PPP1R9A: variants seen among roughly 807,000 people sequenced by gnomAD.
The protein encoded by PPP1R9A is neurabin-1.
PPP1R9A carries 59 observed loss-of-function variants against 141.9 expected under a neutral mutation model. That is an observed-to-expected ratio of 0.42 (90% CI 0.34 to 0.52). The LOEUF (loss-of-function observed/expected upper bound fraction) is 0.52, where lower values mean the gene tolerates loss of function less well. Ranked by LOEUF, PPP1R9A falls within the 20% of genes least tolerant of loss-of-function variation. PPP1R9A has a pLI of 0.10. For missense variants in PPP1R9A, 1,444 were observed against 1,611.9 expected (o/e 0.90, Z 1.78); for synonymous variants, 500 against 569.7 (o/e 0.88, Z 1.74).
chr7:94,958,490 G>A (rs570321699), intron 2 of PPP1R9A, among the ~76,000 whole-genome samples: 1 of 152,082 alleles, frequency 6.6e-6, no homozygotes, highest in East Asian at 1.9e-4. Context: ...CCAAGTGAAT[G>A]GGTACATTTT....
intron 2 of PPP1R9A, among the ~76,000 whole-genome samples, chr7:95,082,161 C>T (rs1815950559): frequency 6.6e-6 from 1 of 152,174 alleles, no homozygotes; most frequent in Non-Finnish European, 1.5e-5. Context: ...TAAATACTTG[C>T]TTTACGTTTC....
At chr7:95,275,086 T>C (rs1802910910) in intron 16 of PPP1R9A, among the ~76,000 whole-genome samples, 1 of 152,202 alleles carries the variant, frequency 6.6e-6, no homozygotes, top group Non-Finnish European at 1.5e-5. Flanking sequence ...AGTAGTTTTA[T>C]ATTTATCATT....
chr7:95,227,512 A>G (rs887791080), intron 8 of PPP1R9A, among the ~76,000 whole-genome samples: 6 of 152,230 alleles, frequency 3.9e-5, no homozygotes, highest in Admixed American at 3.9e-4. Flanking sequence ...GCAAATTATG[A>G]TACATTGTCC....
chr7:94,951,753 C>T (rs1317080948), intron 2 of PPP1R9A, among the ~76,000 whole-genome samples: 2 of 151,600 alleles, frequency 1.3e-5, no homozygotes, highest in Admixed American at 1.3e-4. Flanking sequence ...ATGTTTTCAC[C>T]TCTTAGGTTT....
In PPP1R9A at chr7:95,071,520, G is replaced by A. The variant is rs187132764; in HGVS notation, c.1396-39739G>A. Among the ~76,000 whole-genome samples, 289 of 151,890 alleles carry A rather than the reference G, an allele frequency of 1.9e-3. 2 individuals are homozygous for A. The highest frequency in any genetic ancestry group is 6.5e-3 in the African/African-American group (270 of 41,478). ...AGTTCTAGGAGTACTGTGGATGCGT[G>A]GGAAAAGAGGAATGTGAAAAGCTTA... On this transcript the variant is annotated intron_variant, in intron 2 of 19. Coordinates refer to ENST00000433360, the MANE Select transcript of PPP1R9A (RefSeq NM_001166160.2).
intron 6 of PPP1R9A, chr7:95,202,479 T>C: frequency 3.1e-6 from 1 of 324,958 alleles, no homozygotes; most frequent in Non-Finnish European, 4.4e-6. Context: ...AATATATCTG[T>C]GATTCATGAT....
In PPP1R9A at chr7:94,989,637, A is replaced by C. The variant is rs943053545; in HGVS notation, c.1395+78129A>C. 4.6e-5 allele frequency among the ~76,000 whole-genome samples: 7 copies of C among 152,060 alleles called. No individual in the cohort carries two copies. The East Asian group carries it at 1.2e-3, about 25-fold the overall frequency. On this transcript the variant is annotated intron_variant, in intron 2 of 19. Transcript: ENST00000433360. ...CTTTTTTCTCATTCCCAATTTCCTT[A>C]CAGTGGCTTTTTACCAAACTCCTCA...
chr7:94,986,268 T>C (rs1449923535), intron 2 of PPP1R9A, among the ~76,000 whole-genome samples: 1 of 152,194 alleles, frequency 6.6e-6, no homozygotes, highest in Admixed American at 6.5e-5. Flanking sequence ...TCATGCTCTC[T>C]TATAATAAAA....
chr7:95,059,494 C>T (rs1209090862), intron 2 of PPP1R9A, among the ~76,000 whole-genome samples: 5 of 152,124 alleles, frequency 3.3e-5, no homozygotes, highest in African/African-American at 1.2e-4. Context: ...TCAGCCCAGA[C>T]TTTAGAAGGC....
At chr7:95,100,600 CAT>C (rs1041101582) in intron 2 of PPP1R9A, among the ~76,000 whole-genome samples, 12 of 152,168 alleles carry the variant, frequency 7.9e-5, no homozygotes, top group African/African-American at 2.9e-4. Flanking sequence ...GGAAGAAACA[CAT>C]GAGAGGTAGG....
At chr7:95,115,166 ATAC>A (rs1340439496) in intron 3 of PPP1R9A, among the ~76,000 whole-genome samples, 1 of 152,154 alleles carries the variant, frequency 6.6e-6, no homozygotes, top group African/African-American at 2.4e-5. Flanking sequence ...ATCAATCATA[ATAC>A]TGAGTGGAGA....
At position 95,140,503 on chromosome 7, in the gene PPP1R9A, G is replaced by A. The variant is rs143984810; in HGVS notation, c.1649+19671G>A. ...CCTCCTGGGTTCAAGTGATTCTTTT[G>A]CCTCAGCTTCCCAAGTAGCTGGGAC... On this transcript the variant is annotated intron_variant, in intron 4 of 19. Coordinates refer to ENST00000433360, the MANE Select transcript of PPP1R9A (RefSeq NM_001166160.2). Among the ~76,000 whole-genome samples the A allele has an allele frequency of 2.5e-3, 381 of 152,138 alleles. 2 individuals are homozygous for A. The highest frequency in any genetic ancestry group is 8.6e-3 in the African/African-American group (355 of 41,498).
At chr7:94,949,540 A>C (rs1481111044) in intron 2 of PPP1R9A, among the ~76,000 whole-genome samples, 1 of 152,266 alleles carries the variant, frequency 6.6e-6, no homozygotes, top group African/African-American at 2.4e-5. Context: ...TTTACCCAAA[A>C]TAGAAGGCTA....
chr7:94,907,954 A>ACGCGCGAGTGGAAGCGGCCGC (rs1334509606), intron 1 of PPP1R9A: 5 of 147,460 alleles, frequency 3.4e-5, no homozygotes, highest in African/African-American at 1.2e-4. Flanking sequence ...CTGGGGGCCG[A>ACGCGCGAGTGGAAGCGGCCGC]CGCGCGAGTG....
At chr7:95,034,837 C>A (rs1808221685) in intron 2 of PPP1R9A, among the ~76,000 whole-genome samples, 1 of 152,018 alleles carries the variant, frequency 6.6e-6, no homozygotes, top group African/African-American at 2.4e-5. Flanking sequence ...TACTTTCTTG[C>A]CTATATTTTT....
chr7:95,168,688 GT>G (rs1216645274), intron 5 of PPP1R9A, among the ~76,000 whole-genome samples: 1 of 151,872 alleles, frequency 6.6e-6, no homozygotes, highest in East Asian at 1.9e-4. Flanking sequence ...CAAAGCAACA[GT>G]AAAAAAGCAA....
chr7:95,244,798 C>A (rs1053318859), intron 8 of PPP1R9A, among the ~76,000 whole-genome samples: 6 of 152,094 alleles, frequency 3.9e-5, no homozygotes, highest in Non-Finnish European at 8.8e-5. Context: ...CTTTCTTGGT[C>A]CTAGCTGAGT....
In PPP1R9A at chr7:95,138,320, T is replaced by C. The variant is rs1341932402; in HGVS notation, c.1649+17488T>C. 3.9e-5 allele frequency among the ~76,000 whole-genome samples: 6 copies of C among 152,326 alleles called. No homozygotes were observed. In the South Asian group the frequency reaches 6.2e-4, roughly 16 times the overall value. On this transcript the variant is annotated intron_variant, in intron 4 of 19. Coordinates refer to ENST00000433360, the MANE Select transcript of PPP1R9A (RefSeq NM_001166160.2). ...GTGCTAGAACAATTAGATACCCATA[T>C]GGAGAAATAAAAAATTGGACCACAA... is the stretch of plus-strand genomic sequence containing the variant.
At position 95,268,771 on chromosome 7, in the gene PPP1R9A, T is replaced by C; in HGVS notation, c.2823+64T>C. On this transcript the variant is annotated intron_variant, in intron 13 of 19. Coordinates refer to ENST00000433360, the MANE Select transcript of PPP1R9A (RefSeq NM_001166160.2). ...AGTATATCATTGTTCCTACAGCTTA[T>C]TGAAGATTATGATTTTTCTGCAAAC... 2.6e-6 allele frequency: 4 copies of C among 1,552,276 alleles called. No homozygotes were observed. The South Asian group carries it at 3.7e-5, about 14-fold the overall frequency.
Sources: allele counts gnomAD v4.1 joint callset (sites outside exome capture counted in the v4.1 genomes callset), GRCh38; gene constraint gnomAD v4.1.1; transcripts MANE v1.5; gene names NCBI Gene and HGNC (gene_info 2026-07-23, HGNC 2026-07-21).